ADAMTSL1: variants seen among roughly 807,000 people sequenced by gnomAD.
ADAMTSL1 encodes ADAMTS like 1, also known as ADAMTS-like protein 1.
Under a neutral mutation model 201.8 loss-of-function variants are expected in ADAMTSL1, and 126 were observed. The ratio of observed to expected loss-of-function variants is 0.62; its 90% CI spans 0.54 to 0.72. The LOEUF is 0.72. Among genes scored for constraint, ADAMTSL1 ranks in the 30% least tolerant of loss-of-function variants. ADAMTSL1 has a pLI of 0.00. For synonymous variants in ADAMTSL1, 1,121 were observed against 903.4 expected, an observed-to-expected ratio of 1.24 and a Z score of -4.32; for missense variants, 2,679 against 2,277.8, an observed-to-expected ratio of 1.18 and a Z score of -3.59.
At chr9:18,214,039 A>C (rs1829978142) in intron 2 of ADAMTSL1, among the ~76,000 whole-genome samples, 3 of 152,104 alleles carry the variant, frequency 2.0e-5, no homozygotes, top group Non-Finnish European at 4.4e-5. Flanking sequence ...CCCTCGCCCA[A>C]AGAAATTTAA....
At chr9:18,128,648 CG>C (rs1445775167) in intron 1 of ADAMTSL1, among the ~76,000 whole-genome samples, 1 of 152,080 alleles carries the variant, frequency 6.6e-6, no homozygotes, top group Admixed American at 6.6e-5. Context: ...CATGAATCCC[CG>C]TCTCTAATGA....
At chr9:18,287,836 A>G (rs552044000) in intron 2 of ADAMTSL1, among the ~76,000 whole-genome samples, 12 of 152,208 alleles carry the variant, frequency 7.9e-5, no homozygotes, top group East Asian at 1.9e-4. Context: ...TAATCATAGT[A>G]AATTATATTA....
At chr9:18,747,543 T>C (rs115826844) in intron 15 of ADAMTSL1, among the ~76,000 whole-genome samples, 57 of 152,236 alleles carry the variant, frequency 3.7e-4, no homozygotes, top group African/African-American at 1.2e-3. Context: ...TGGGCCATGA[T>C]TTGAATTCTC....
intron 9 of ADAMTSL1, among the ~76,000 whole-genome samples, chr9:18,669,506 G>A (rs1829681986): frequency 6.6e-6 from 1 of 152,136 alleles, no homozygotes; most frequent in Non-Finnish European, 1.5e-5. Flanking sequence ...GATTTCGGTG[G>A]AAGCCCAGAT....
At chr9:18,223,777 C>G (rs1391279775) in intron 2 of ADAMTSL1, among the ~76,000 whole-genome samples, 5 of 151,862 alleles carry the variant, frequency 3.3e-5, no homozygotes, top group Non-Finnish European at 5.9e-5. Context: ...TTGTCTCTCA[C>G]CCATGGTAGC....
chr9:18,434,529 A>C (rs1819638421), intron 2 of ADAMTSL1, among the ~76,000 whole-genome samples: 1 of 152,192 alleles, frequency 6.6e-6, no homozygotes, highest in African/African-American at 2.4e-5. Context: ...AATGAGAAAA[A>C]GAAAAGAAAA....
intron 22 of ADAMTSL1, among the ~76,000 whole-genome samples, chr9:18,827,841 G>A (rs1054996174): frequency 6.6e-6 from 1 of 152,130 alleles, no homozygotes; most frequent in African/African-American, 2.4e-5. Context: ...ACTTAATGGG[G>A]AAAAAAATCA....
chr9:18,258,333 C>A (rs979873760), intron 2 of ADAMTSL1, among the ~76,000 whole-genome samples: 2 of 151,940 alleles, frequency 1.3e-5, no homozygotes, highest in African/African-American at 4.8e-5. Context: ...ATGAGGTAAA[C>A]GAGGAATTAT....
At chr9:18,383,924 A>G (rs1454643872) in intron 2 of ADAMTSL1, among the ~76,000 whole-genome samples, 1 of 152,164 alleles carries the variant, frequency 6.6e-6, no homozygotes, top group Non-Finnish European at 1.5e-5. Context: ...CTGATTCAGT[A>G]GGTCTAGAAT....
At chr9:18,501,568 C>G (rs1157099178) in intron 1 of ADAMTSL1, among the ~76,000 whole-genome samples, 1 of 146,890 alleles carries the variant, frequency 6.8e-6, no homozygotes, top group East Asian at 2.0e-4. Flanking sequence ...CAGGGCCAGA[C>G]ACAAAATTTG....
chr9:17,934,915 A>C (rs1405885033), intron 1 of ADAMTSL1, among the ~76,000 whole-genome samples: 1 of 151,750 alleles, frequency 6.6e-6, no homozygotes, highest in South Asian at 2.1e-4. Context: ...AAAAAAAAAA[A>C]AAAAAACTTC....
At chr9:17,972,009 C>T (rs1360227) in intron 1 of ADAMTSL1, among the ~76,000 whole-genome samples, 122,163 of 151,594 alleles carry the variant, frequency 0.81, 49,588 homozygotes, top group East Asian at 0.92. Flanking sequence ...ATATTTAAGG[C>T]GTACAATGTG....
intron 23 of ADAMTSL1, among the ~76,000 whole-genome samples, chr9:18,852,707 A>G (rs1260341032): frequency 6.6e-6 from 1 of 152,220 alleles, no homozygotes; most frequent in Non-Finnish European, 1.5e-5. Context: ...TTGAAATCAG[A>G]GTTGCACTAT....
intron 1 of ADAMTSL1, among the ~76,000 whole-genome samples, chr9:18,087,139 T>C (rs1823802464): frequency 6.6e-6 from 1 of 152,194 alleles, no homozygotes. Context: ...GTGCTTTCAT[T>C]TTTCTCATTT....
chr9:18,089,421 C>A, intron 1 of ADAMTSL1, among the ~76,000 whole-genome samples: 1 of 146,148 alleles, frequency 6.8e-6, no homozygotes, highest in East Asian at 2.0e-4. Context: ...ACAATGAGAA[C>A]ACATGGACAC....
intron 2 of ADAMTSL1, among the ~76,000 whole-genome samples, chr9:18,388,618 T>G (rs371795883): frequency 3.9e-5 from 6 of 152,116 alleles, no homozygotes; most frequent in African/African-American, 1.2e-4. Context: ...CCTTTTTTTT[T>G]TTGTTTTAAT....
intron 1 of ADAMTSL1, among the ~76,000 whole-genome samples, chr9:17,922,552 A>G (rs769583380): frequency 6.6e-6 from 1 of 152,136 alleles, no homozygotes; most frequent in African/African-American, 2.4e-5. Context: ...CCTCACCCAC[A>G]TAACCACAGA....
chr9:18,585,486 C>A (rs1823423904), intron 4 of ADAMTSL1, among the ~76,000 whole-genome samples: 1 of 151,994 alleles, frequency 6.6e-6, no homozygotes, highest in Non-Finnish European at 1.5e-5. Context: ...TGTGGGATAA[C>A]TTTATTTCCA....
intron 2 of ADAMTSL1, among the ~76,000 whole-genome samples, chr9:18,510,091 T>G (rs994559548): frequency 4.6e-5 from 7 of 152,224 alleles, no homozygotes; most frequent in African/African-American, 1.4e-4. Context: ...TAAATTAACC[T>G]GCCAGGCCAA....
Sources: allele counts gnomAD v4.1 joint callset (sites outside exome capture counted in the v4.1 genomes callset), GRCh38; gene constraint gnomAD v4.1.1; transcripts MANE v1.5; gene names NCBI Gene and HGNC (gene_info 2026-07-23, HGNC 2026-07-21).